The following SLIT3 variants were observed in gnomAD, a reference collection of about 807,000 sequenced individuals.
SLIT3 encodes slit homolog 3 protein.
SLIT3 carries 68 observed loss-of-function variants against 184.0 expected under a neutral mutation model. That is an observed-to-expected ratio of 0.37 (90% confidence interval 0.30 to 0.45). SLIT3 has a LOEUF of 0.45. SLIT3 is among the 20% of genes least tolerant of loss of function. SLIT3 has a pLI of 1.00. For synonymous variants in SLIT3, 831 were observed against 828.6 expected, an observed-to-expected ratio of 1.00 and a Z score of -0.05; for missense variants, 1,707 against 2,026.0, an observed-to-expected ratio of 0.84 and a Z score of 3.02.
At chr5:169,285,439 A>T (rs1767122862) in intron 1 of SLIT3, among the ~76,000 whole-genome samples, 1 of 152,204 alleles carries the variant, frequency 6.6e-6, no homozygotes. Context: ...AAAAATGATG[A>T]TCATAACTAT....
At chr5:169,191,418 C>A (rs1276456000) in intron 4 of SLIT3, among the ~76,000 whole-genome samples, 1 of 152,182 alleles carries the variant, frequency 6.6e-6, no homozygotes, top group Non-Finnish European at 1.5e-5. Flanking sequence ...CTTGTTGCAA[C>A]TCCTAGTCTC....
At chr5:168,779,369 T>C (rs968916547) in intron 12 of SLIT3, among the ~76,000 whole-genome samples, 22 of 152,110 alleles carry the variant, frequency 1.4e-4, no homozygotes, top group Non-Finnish European at 2.8e-4. Flanking sequence ...GATTTTACAA[T>C]AAGGCAGAAC....
intron 18 of SLIT3, among the ~76,000 whole-genome samples, chr5:168,750,793 C>T (rs949029613): frequency 6.6e-6 from 1 of 151,930 alleles, no homozygotes; most frequent in Non-Finnish European, 1.5e-5. Context: ...TCTGCTTGTG[C>T]TCTTGGCACA....
intron 1 of SLIT3, among the ~76,000 whole-genome samples, chr5:169,260,400 C>T (rs75043707): frequency 0.017 from 2,583 of 152,262 alleles, 68 homozygotes; most frequent in African/African-American, 0.059. Flanking sequence ...TTTCTCTTCC[C>T]TATGAGCTAA....
intron 14 of SLIT3, among the ~76,000 whole-genome samples, chr5:168,763,700 A>C (rs1581054645): frequency 6.6e-6 from 1 of 152,188 alleles, no homozygotes; most frequent in Non-Finnish European, 1.5e-5. Context: ...GAGACCTTGA[A>C]TCATGCTGGT....
chr5:169,079,670 AGAG>A (rs1383746463), intron 4 of SLIT3, among the ~76,000 whole-genome samples: 1 of 42,238 alleles, frequency 2.4e-5, no homozygotes, highest in African/African-American at 1.1e-4. Flanking sequence ...GGAGGAGGGA[AGAG>A]GAGGAGGAGG....
At chr5:168,986,940 C>T (rs903589749) in intron 4 of SLIT3, among the ~76,000 whole-genome samples, 1 of 152,216 alleles carries the variant, frequency 6.6e-6, no homozygotes, top group African/African-American at 2.4e-5. Flanking sequence ...CCCAGGTACT[C>T]AGGAGGCTGA....
intron 3 of SLIT3, among the ~76,000 whole-genome samples, chr5:169,201,650 C>T (rs982213665): frequency 5.9e-5 from 9 of 152,188 alleles, no homozygotes; most frequent in Non-Finnish European, 1.0e-4. Context: ...ACAATAAACA[C>T]TTATTCCACA....
chr5:168,937,506 C>T (rs900530028), intron 4 of SLIT3, among the ~76,000 whole-genome samples: 14 of 152,186 alleles, frequency 9.2e-5, no homozygotes, highest in African/African-American at 2.9e-4. Flanking sequence ...ACTGAGTATA[C>T]ACCTAGCAGG....
intron 5 of SLIT3, among the ~76,000 whole-genome samples, chr5:168,865,579 C>T (rs1007145837): frequency 1.3e-5 from 2 of 152,196 alleles, no homozygotes; most frequent in African/African-American, 4.8e-5. Context: ...AGGATCCATG[C>T]ATGGGAGAGA....
rs775206430 is a variant in SLIT3, at chr5:168,823,280, G to A, written c.609C>T (p.His203=). 5.0e-6 allele frequency: 8 copies of A among 1,614,054 alleles called. No individual in the cohort carries two copies. In the South Asian group the frequency reaches 7.7e-5, roughly 16 times the overall value. The change falls in exon 7 of 36, where the codon CAC becomes CAT. Residue 203 remains histidine, a synonymous_variant. Coordinates refer to ENST00000519560, the MANE Select transcript of SLIT3 (RefSeq NM_003062.4). ...ISRILVTSFN[H]MPKIRTLRLH... ...CTCACAGAGTTCGGATCTTCGGCAT[G>A]TGGTTGAAGCTGGTGACCAGGATGC... is the stretch of plus-strand genomic sequence containing the variant.
chr5:169,136,382 G>A (rs1297080783), intron 4 of SLIT3, among the ~76,000 whole-genome samples: 1 of 152,126 alleles, frequency 6.6e-6, no homozygotes, highest in African/African-American at 2.4e-5. Flanking sequence ...CCACACAGCT[G>A]AGCCCCAGCC....
rs929055640 is a variant in SLIT3, at chr5:168,752,981, G to A, written c.1947C>T (p.Phe649=). 2.5e-6 allele frequency: 4 copies of A among 1,614,122 alleles called. No individual in the cohort carries two copies. The highest frequency in any genetic ancestry group is 1.7e-5 in the Admixed American group (1 of 60,018). Residue 649 remains phenylalanine, a synonymous_variant, in exon 18 of 36, where the codon TTC becomes TTT. Transcript: ENST00000519560. Reference sequence around the variant, plus strand: ...TGGTGGACAGGGAGACAAGCGTGGTGAAGGCCCCAGGGGTGATGGTGGTGA... The same window carrying A: ...TGGTGGACAGGGAGACAAGCGTGGTAAAGGCCCCAGGGGTGATGGTGGTGA... ...NRITTITPGA[F]TTLVSLSTIN...
intron 4 of SLIT3, among the ~76,000 whole-genome samples, chr5:168,929,120 T>C (rs1181852393): frequency 6.6e-6 from 1 of 152,224 alleles, no homozygotes; most frequent in African/African-American, 2.4e-5. Flanking sequence ...ATTGTGTCCA[T>C]TTCACAGATG....
At chr5:168,976,940 C>T (rs1263771388) in intron 4 of SLIT3, among the ~76,000 whole-genome samples, 1 of 152,142 alleles carries the variant, frequency 6.6e-6, no homozygotes, top group Admixed American at 6.5e-5. Flanking sequence ...AGCCAACACA[C>T]ACCAGGGAGG....
chr5:168,755,389 A>ATTTCTTTCTTTCTTCTTTC (rs1754860334), intron 16 of SLIT3, among the ~76,000 whole-genome samples: 1 of 133,640 alleles, frequency 7.5e-6, no homozygotes, highest in Non-Finnish European at 1.7e-5. Flanking sequence ...CAGTGCCGCC[A>ATTTCTTTCTTTCTTCTTTC]TTTCTTTCTT....
Position 168,817,470 on chromosome 5 carries a change from G to A in SLIT3, c.630-7C>T. On this transcript the variant is annotated splice_region_variant and splice_polypyrimidine_tract_variant and intron_variant, in intron 7 of 35. Coordinates refer to ENST00000519560, the MANE Select transcript of SLIT3 (RefSeq NM_003062.4). ...GTGGTTGGAGTGGAGGCGCCTGGGA[G>A]AGGGCGGGACAGAGAGAAGGCATGG... 1.2e-6 allele frequency: 2 copies of A among 1,610,910 alleles called. No homozygotes were observed. The highest frequency in any genetic ancestry group is 1.1e-5 in the South Asian group (1 of 90,824).
At chr5:168,892,298 T>C (rs762842432) in intron 4 of SLIT3, among the ~76,000 whole-genome samples, 1 of 152,202 alleles carries the variant, frequency 6.6e-6, no homozygotes, top group Non-Finnish European at 1.5e-5. Context: ...AAGTCTGATG[T>C]GTATTTTACA....
intron 4 of SLIT3, among the ~76,000 whole-genome samples, chr5:169,101,380 C>T (rs939542555): frequency 6.6e-6 from 1 of 152,190 alleles, no homozygotes; most frequent in Non-Finnish European, 1.5e-5. Context: ...TGGAAACTTG[C>T]TCTTGGGAGA....
Sources: gnomAD v4.1 joint callset for allele counts (sites outside exome capture counted in the v4.1 genomes callset) on GRCh38, gnomAD v4.1.1 for gene constraint, MANE v1.5 for transcripts, NCBI Gene and HGNC (gene_info 2026-07-23, HGNC 2026-07-21) for gene names.